PTPRD: variants seen among roughly 807,000 people sequenced by gnomAD.
The protein encoded by PTPRD is protein tyrosine phosphatase receptor type D.
PTPRD carries 34 observed loss-of-function variants against 214.5 expected under a neutral mutation model. The observed-to-expected ratio is 0.16, with a 90% confidence interval of 0.12 to 0.21. PTPRD has a LOEUF of 0.21. PTPRD is among the 10% of genes least tolerant of loss of function. The probability of loss-of-function intolerance (pLI) is 1.00; values close to 1 mark genes in which losing one functional copy is unlikely to be tolerated. For synonymous variants in PTPRD, 1,128 were observed against 845.7 expected (o/e 1.33, Z -5.79); for missense variants, 2,545 against 2,398.7 (o/e 1.06, Z -1.27).
At chr9:8,781,079 A>G (rs780493701) in intron 11 of PTPRD, among the ~76,000 whole-genome samples, 2 of 152,174 alleles carry the variant, frequency 1.3e-5, no homozygotes, top group African/African-American at 4.8e-5. Flanking sequence ...GTTAGCTCCA[A>G]TTTCACCAAC....
intron 5 of PTPRD, among the ~76,000 whole-genome samples, chr9:9,882,640 C>G (rs1003494125): frequency 4.6e-5 from 7 of 152,128 alleles, no homozygotes; most frequent in African/African-American, 1.7e-4. Flanking sequence ...AGGTGGATAG[C>G]AACTGTTGAA....
intron 9 of PTPRD, among the ~76,000 whole-genome samples, chr9:9,396,133 C>G (rs913204592): frequency 3.3e-5 from 5 of 151,972 alleles, no homozygotes; most frequent in African/African-American, 1.2e-4. Context: ...CTCAACAAAA[C>G]AGCATTTTTG....
At chr9:8,599,613 C>CCCCCCCCTTTTTT (rs2094698008) in intron 14 of PTPRD, among the ~76,000 whole-genome samples, 4 of 53,428 alleles carry the variant, frequency 7.5e-5, no homozygotes, top group Non-Finnish European at 1.1e-4. Context: ...CCCGCCCACC[C>CCCCCCCCTTTTTT]TTTTTTTTTT....
At chr9:8,585,894 T>A (rs1383759584) in intron 14 of PTPRD, among the ~76,000 whole-genome samples, 1 of 152,222 alleles carries the variant, frequency 6.6e-6, no homozygotes. Context: ...ATCTCATAAA[T>A]CCACTTGTCC....
intron 4 of PTPRD, among the ~76,000 whole-genome samples, chr9:9,996,459 G>A (rs766308703): frequency 5.9e-5 from 9 of 152,194 alleles, no homozygotes; most frequent in Non-Finnish European, 1.2e-4. Context: ...CTGAGAGAAT[G>A]TAAACATGCC....
At chr9:9,945,859 A>G (rs1338195378) in intron 4 of PTPRD, among the ~76,000 whole-genome samples, 5 of 152,186 alleles carry the variant, frequency 3.3e-5, no homozygotes, top group Admixed American at 2.6e-4. Flanking sequence ...AGAAACAAAG[A>G]GCACACACAC....
At chr9:10,578,496 CA>C (rs2070396273) in intron 2 of PTPRD, among the ~76,000 whole-genome samples, 1 of 152,072 alleles carries the variant, frequency 6.6e-6, no homozygotes, top group East Asian at 1.9e-4. Flanking sequence ...ATACACGATT[CA>C]AAAACAGAAA....
intron 5 of PTPRD, among the ~76,000 whole-genome samples, chr9:9,822,462 A>G (rs1367601971): frequency 2.7e-5 from 4 of 147,958 alleles, no homozygotes; most frequent in Non-Finnish European, 4.5e-5. Context: ...TATACAATAT[A>G]TATGTAATAT....
At chr9:9,277,094 T>C (rs1373549756) in intron 9 of PTPRD, among the ~76,000 whole-genome samples, 3 of 151,464 alleles carry the variant, frequency 2.0e-5, no homozygotes, top group South Asian at 2.1e-4. Context: ...CCCTTGTCTA[T>C]ATTTTTATCT....
At chr9:9,397,867 G>A (rs1173359937) in intron 8 of PTPRD, among the ~76,000 whole-genome samples, 3 of 151,960 alleles carry the variant, frequency 2.0e-5, no homozygotes, top group Non-Finnish European at 4.4e-5. Context: ...AGCTCTGACA[G>A]TGCCATATAC....
chr9:9,547,458 G>A lies in PTPRD; in HGVS notation c.-237+27274C>T, dbSNP rs73407046. Among the ~76,000 whole-genome samples the A allele has an allele frequency of 2.0e-3, 311 of 152,118 alleles. 1 individual carries two copies. Among genetic ancestry groups the A allele is most frequent in the African/African-American group, 6.7e-3 (280 of 41,544 alleles). ...CCAGGACTTAATTAGGAATCAAGCT[G>A]CCTAGCCTGTTGAAATCTCAGAATG... On this transcript the variant is annotated intron_variant, in intron 8 of 45. Coordinates refer to ENST00000381196, the MANE Select transcript of PTPRD (RefSeq NM_002839.4).
In PTPRD at chr9:10,139,100, C is replaced by T. The variant is rs2098963532; in HGVS notation, c.-544-105310G>A. Among the ~76,000 whole-genome samples the T allele has an allele frequency of 3.3e-5, 5 of 152,020 alleles. No homozygotes were observed. In the South Asian group the frequency reaches 1.0e-3, roughly 32 times the overall value. The stretch of plus-strand genomic sequence containing the variant: ...CCAAATAGAAAAAGAAGAAGTCAAA[C>T]TATCTTTCTTCGCTAATGATATGAT... On this transcript the variant is annotated intron_variant, in intron 3 of 45. Coordinates refer to ENST00000381196, the MANE Select transcript of PTPRD (RefSeq NM_002839.4).
At chr9:8,647,205 T>C (rs970337482) in intron 12 of PTPRD, among the ~76,000 whole-genome samples, 16 of 152,188 alleles carry the variant, frequency 1.1e-4, no homozygotes, top group Non-Finnish European at 2.4e-4. Flanking sequence ...TCCACCTCAT[T>C]GTCATCACAG....
chr9:10,288,296 A>G (rs1301805290), intron 3 of PTPRD, among the ~76,000 whole-genome samples: 1 of 133,674 alleles, frequency 7.5e-6, no homozygotes, highest in Non-Finnish European at 1.5e-5. Context: ...TCCAGTTAAA[A>G]CGATCATAGA....
chr9:10,370,875 T>A (rs957695898), intron 2 of PTPRD, among the ~76,000 whole-genome samples: 2 of 152,026 alleles, frequency 1.3e-5, no homozygotes, highest in African/African-American at 4.8e-5. Flanking sequence ...CTGTGATCAA[T>A]AATCCTCACC....
chr9:8,695,722 T>G (rs552683311), intron 12 of PTPRD, among the ~76,000 whole-genome samples: 16 of 152,334 alleles, frequency 1.1e-4, no homozygotes, highest in Non-Finnish European at 2.1e-4. Flanking sequence ...CCTAGAAAAT[T>G]AATAAACTGA....
At chr9:8,883,750 G>GCAC (rs1484093659) in intron 11 of PTPRD, among the ~76,000 whole-genome samples, 1 of 152,072 alleles carries the variant, frequency 6.6e-6, no homozygotes, top group East Asian at 1.9e-4. Flanking sequence ...CAAATCACTT[G>GCAC]CACCACCTGA....
At chr9:9,722,439 C>A (rs989393232) in intron 7 of PTPRD, among the ~76,000 whole-genome samples, 2 of 152,016 alleles carry the variant, frequency 1.3e-5, no homozygotes, top group African/African-American at 4.8e-5. Flanking sequence ...ATTGTAAAAT[C>A]TATACCATAT....
intron 3 of PTPRD, among the ~76,000 whole-genome samples, chr9:10,096,305 G>A (rs889575077): frequency 2.6e-5 from 4 of 151,630 alleles, no homozygotes; most frequent in Non-Finnish European, 4.4e-5. Flanking sequence ...CAACCAAAGT[G>A]GTGTGAAACA....
Sources: allele counts gnomAD v4.1 joint callset (sites outside exome capture counted in the v4.1 genomes callset), GRCh38; gene constraint gnomAD v4.1.1; transcripts MANE v1.5; gene names NCBI Gene and HGNC (gene_info 2026-07-23, HGNC 2026-07-21).